Variants in CEP63 observed in about 807,000 individuals in gnomAD.
CEP63 encodes the protein centrosomal protein of 63 kDa.
Under a neutral mutation model 89.1 loss-of-function variants are expected in CEP63, and 84 were observed. The ratio of observed to expected loss-of-function variants is 0.94; its 90% confidence interval spans 0.79 to 1.13. CEP63 has a LOEUF of 1.13. CEP63 is among the 50% of genes most tolerant of loss of function. The pLI is 0.00. For missense variants in CEP63, 838 were observed against 813.3 expected (o/e 1.03, Z -0.37); for synonymous variants, 267 against 272.5 (o/e 0.98, Z 0.20).
the CEP63 span, among the ~76,000 whole-genome samples, chr3:134,659,138 TGAA>T: frequency 2.6e-5 from 4 of 152,174 alleles, no homozygotes; most frequent in Non-Finnish European, 4.4e-5. Context: ...AGGGAGATGA[TGAA>T]GATCAATCTG....
At chr3:134,670,467 G>A in the CEP63 span, among the ~76,000 whole-genome samples, 5 of 152,214 alleles carry the variant, frequency 3.3e-5, no homozygotes, top group Non-Finnish European at 7.3e-5. Flanking sequence ...AGAAAATAAG[G>A]CAGTGTCCCA....
intron 3 of CEP63, among the ~76,000 whole-genome samples, chr3:134,516,566 C>T (rs1017715601): frequency 6.6e-6 from 1 of 152,204 alleles, no homozygotes; most frequent in African/African-American, 2.4e-5. Flanking sequence ...AAACCTTGGA[C>T]AATACCTGGC....
chr3:134,629,688 T>C, the CEP63 span: 1 of 1,589,630 alleles, frequency 6.3e-7, no homozygotes, highest in Non-Finnish European at 8.6e-7. Flanking sequence ...CCACAGTCAG[T>C]TGTGTCCCTA....
At chr3:134,679,662 A>C in the CEP63 span, among the ~76,000 whole-genome samples, 1 of 152,306 alleles carries the variant, frequency 6.6e-6, no homozygotes, top group Non-Finnish European at 1.5e-5. Flanking sequence ...ATGGTCTTTA[A>C]AGATCTAATT....
chr3:134,489,232 T>C (rs897826898), intron 1 of CEP63, among the ~76,000 whole-genome samples: 10 of 152,146 alleles, frequency 6.6e-5, no homozygotes, highest in African/African-American at 2.2e-4. Flanking sequence ...TAGCTACAGA[T>C]TGCCTGGTGG....
At chr3:134,624,162 G>A in the CEP63 span, among the ~76,000 whole-genome samples, 2 of 152,080 alleles carry the variant, frequency 1.3e-5, no homozygotes, top group African/African-American at 4.8e-5. Context: ...CCAGCTATCT[G>A]GGAGCCCCTC....
chr3:134,722,055 C>A, the CEP63 span, among the ~76,000 whole-genome samples: 2 of 151,948 alleles, frequency 1.3e-5, no homozygotes, highest in Admixed American at 6.6e-5. Context: ...TGTATTAATT[C>A]CTTTTGGAAT....
the CEP63 span, among the ~76,000 whole-genome samples, chr3:134,761,642 T>C: frequency 6.6e-6 from 1 of 152,206 alleles, no homozygotes; most frequent in Non-Finnish European, 1.5e-5. Flanking sequence ...CTGGGATGGC[T>C]CTATGACAGC....
chr3:134,711,466 T>G, the CEP63 span, among the ~76,000 whole-genome samples: 1 of 152,180 alleles, frequency 6.6e-6, no homozygotes. Context: ...TCACTGTGGT[T>G]ACAAGAGGTC....
At position 134,557,634 on chromosome 3, in the gene CEP63, TTATA is replaced by T. The variant is rs376254077; in HGVS notation, c.1468-504_1468-501del. Reference sequence around the variant, plus strand: ...GAATCCTGCTTTATCATGTCCAAATTTATATATGAGTAGATACCAAAGTTGTAGA... The same window carrying T: ...GAATCCTGCTTTATCATGTCCAAATTTATGAGTAGATACCAAAGTTGTAGA... On this transcript the variant is annotated intron_variant, in intron 12 of 14. Transcript: ENST00000675561. Among the ~76,000 whole-genome samples, 526 of 152,212 alleles carry T rather than the reference TTATA, an allele frequency of 3.5e-3. 7 individuals are homozygous for T. Among genetic ancestry groups the T allele is most frequent in the African/African-American group, 0.012 (507 of 41,524 alleles).
At chr3:134,512,980 T>A (rs531392331) in intron 3 of CEP63, among the ~76,000 whole-genome samples, 10 of 152,354 alleles carry the variant, frequency 6.6e-5, no homozygotes, top group African/African-American at 2.4e-4. Context: ...ATTGATTCTT[T>A]CTGAAATCTC....
chr3:134,536,610 C>T (rs1251962983), intron 5 of CEP63: 2 of 162,588 alleles, frequency 1.2e-5, no homozygotes, highest in Admixed American at 1.1e-4. Flanking sequence ...TGCAGTTCCT[C>T]TGTTGAGATA....
the CEP63 span, among the ~76,000 whole-genome samples, chr3:134,673,301 C>A: frequency 3.9e-5 from 6 of 152,138 alleles, no homozygotes; most frequent in African/African-American, 1.4e-4. Context: ...AACCTGACGT[C>A]CCCCCTCCAA....
chr3:134,656,192 G>C, the CEP63 span, among the ~76,000 whole-genome samples: 10 of 152,174 alleles, frequency 6.6e-5, no homozygotes, highest in Admixed American at 2.0e-4. Context: ...GAGGGGCCAG[G>C]AAGGCTACAT....
At chr3:134,506,950 C>T (rs867909970) in intron 2 of CEP63, among the ~76,000 whole-genome samples, 159 bp from the exon 3 acceptor site, 6 of 146,758 alleles carry the variant, frequency 4.1e-5, no homozygotes, top group African/African-American at 1.5e-4. Flanking sequence ...AAAAGCTCAG[C>T]AATCCTATTC....
chr3:134,534,157 G>C (rs544887695), intron 5 of CEP63, among the ~76,000 whole-genome samples: 14 of 152,184 alleles, frequency 9.2e-5, no homozygotes, highest in Admixed American at 2.0e-4. Context: ...ATTGATTTCA[G>C]CACCCAGCTC....
the CEP63 span, among the ~76,000 whole-genome samples, chr3:134,655,137 G>A: frequency 1.3e-5 from 2 of 152,120 alleles, no homozygotes; most frequent in African/African-American, 4.8e-5. Context: ...CTTAGCTATG[G>A]GTAGTTATAG....
intron 3 of CEP63, among the ~76,000 whole-genome samples, chr3:134,518,512 A>C (rs1244463125): frequency 6.6e-6 from 1 of 152,208 alleles, no homozygotes; most frequent in African/African-American, 2.4e-5. Context: ...AAAAGCTTGG[A>C]AATTAAGCAA....
the CEP63 span, among the ~76,000 whole-genome samples, chr3:134,742,845 G>C: frequency 6.6e-6 from 1 of 152,180 alleles, no homozygotes; most frequent in African/African-American, 2.4e-5. Context: ...CTGGCCCCTT[G>C]ATTGTGGACT....
Sources: gnomAD v4.1 joint callset for allele counts (sites outside exome capture counted in the v4.1 genomes callset) on GRCh38, gnomAD v4.1.1 for gene constraint, MANE v1.5 for transcripts, NCBI Gene and HGNC (gene_info 2026-07-23, HGNC 2026-07-21) for gene names.